The following EXOC6 variants were observed in gnomAD, a reference collection of about 807,000 sequenced individuals.
EXOC6 encodes the protein SEC15-like 1.
EXOC6 carries 60 observed loss-of-function variants against 112.5 expected under a neutral mutation model. That is an observed-to-expected ratio of 0.53 (90% CI 0.43 to 0.66). The LOEUF is 0.66. EXOC6 is among the 30% of genes least tolerant of loss of function. The pLI is 0.00. For synonymous variants in EXOC6, 295 were observed against 308.0 expected, an observed-to-expected ratio of 0.96 and a Z score of 0.44; for missense variants, 855 against 957.1, an observed-to-expected ratio of 0.89 and a Z score of 1.41.
rs377076761 is a variant in EXOC6, at chr10:93,032,194, A to G, written c.2169+17927A>G. On this transcript the variant is annotated intron_variant, in intron 20 of 21. Coordinates refer to ENST00000260762, the MANE Select transcript of EXOC6 (RefSeq NM_019053.6). ...GGGAGGCTGAGGCAAAAAATCAGCCAGGTATTGTGGTGCACACCTGTAGTC... is the reference window on the plus strand; with the variant it reads ...GGGAGGCTGAGGCAAAAAATCAGCCGGGTATTGTGGTGCACACCTGTAGTC... Among the ~76,000 whole-genome samples, 10 of 152,096 alleles carry G rather than the reference A, an allele frequency of 6.6e-5. No homozygotes were observed. In the East Asian group the frequency reaches 7.7e-4, roughly 12 times the overall value.
chr10:92,899,562 C>T (rs973567041), intron 4 of EXOC6, 37 bp from the exon 5 acceptor site: 2 of 1,422,870 alleles, frequency 1.4e-6, no homozygotes, highest in East Asian at 4.8e-5. Flanking sequence ...ATTTTCTTTT[C>T]ATTTTGAAAG....
chr10:93,013,849 G>T (rs1844370968), intron 19 of EXOC6, among the ~76,000 whole-genome samples: 2 of 152,118 alleles, frequency 1.3e-5, no homozygotes, highest in Admixed American at 1.3e-4. Flanking sequence ...ATTTTTAAAT[G>T]CTTCTACAAT....
At chr10:92,856,855 TTGAC>T (rs1384231763) in intron 1 of EXOC6, among the ~76,000 whole-genome samples, 5 of 152,224 alleles carry the variant, frequency 3.3e-5, no homozygotes, top group Admixed American at 2.0e-4. Context: ...TCCTTATTGA[TTGAC>T]CATTTGCCGT....
chr10:92,862,075 C>A (rs1847936751), intron 1 of EXOC6, among the ~76,000 whole-genome samples: 1 of 152,126 alleles, frequency 6.6e-6, no homozygotes, highest in Non-Finnish European at 1.5e-5. Flanking sequence ...GTGCAGCCAT[C>A]GTCTCTATCT....
chr10:92,830,838 T>G (rs1196000364), upstream of EXOC6, among the ~76,000 whole-genome samples: 1 of 152,158 alleles, frequency 6.6e-6, no homozygotes, highest in East Asian at 1.9e-4. Flanking sequence ...GAGGAGAGGT[T>G]AAGGGTCCAG....
Position 92,967,169 on chromosome 10 carries a change from A to G in EXOC6, c.1774-6884A>G, listed in dbSNP as rs1479953165. Among the ~76,000 whole-genome samples the G allele has an allele frequency of 2.1e-5, 3 of 144,964 alleles. No homozygotes were observed. In the Admixed American group the frequency reaches 2.1e-4, roughly 10 times the overall value. ...TTTTCTTGTAAATTTGTTTGAGTTC[A>G]TTGTAGATTCTGGATATTAGCCCTT... On this transcript the variant is annotated intron_variant, in intron 17 of 21. Coordinates refer to ENST00000260762, the MANE Select transcript of EXOC6 (RefSeq NM_019053.6).
intron 1 of EXOC6, among the ~76,000 whole-genome samples, chr10:92,839,105 TG>T (rs1160442957): frequency 6.6e-6 from 1 of 151,866 alleles, no homozygotes; most frequent in African/African-American, 2.4e-5. Flanking sequence ...TGCAGAATAT[TG>T]GTAGGCTGAA....
Position 92,934,202 on chromosome 10 carries a change from A to C in EXOC6, c.1019+12A>C. The C allele has an allele frequency of 2.6e-6, 4 of 1,532,588 alleles. No individual in the cohort carries two copies. Among genetic ancestry groups the C allele is most frequent in the Middle Eastern group, 2.0e-4 (1 of 5,046 alleles). 94.9% of individuals were successfully genotyped at this position (1,532,588 alleles called of 1,614,324 possible). ...ACTCAAATTGTAGGGTATGTATCTA[A>C]TATGGAAATAACTATTATTAATTTT... On this transcript the variant is annotated intron_variant, in intron 10 of 21. Transcript: ENST00000260762.
At chr10:92,849,183 A>G (rs908994261) in intron 1 of EXOC6, among the ~76,000 whole-genome samples, 7 of 152,074 alleles carry the variant, frequency 4.6e-5, no homozygotes, top group African/African-American at 1.4e-4. Context: ...GCGCGGCCGC[A>G]GTGGGCGAGA....
chr10:92,834,424 T>C (rs148446361), upstream of EXOC6, among the ~76,000 whole-genome samples: 3 of 152,326 alleles, frequency 2.0e-5, no homozygotes, highest in African/African-American at 4.8e-5. Flanking sequence ...TTCCTACATA[T>C]AGTTATTGTC....
At chr10:92,850,423 A>G (rs1413960243) in intron 1 of EXOC6, among the ~76,000 whole-genome samples, 1 of 152,200 alleles carries the variant, frequency 6.6e-6, no homozygotes, top group Non-Finnish European at 1.5e-5. Context: ...TTTGTGTCTC[A>G]TTTATAAGCA....
intron 18 of EXOC6, among the ~76,000 whole-genome samples, chr10:92,986,461 G>A (rs559242772): frequency 6.6e-6 from 1 of 151,878 alleles, no homozygotes; most frequent in South Asian, 2.1e-4. Context: ...GGGTTAATTA[G>A]GTTGACCAGC....
chr10:92,914,088 AG>A (rs1234150072), intron 6 of EXOC6, among the ~76,000 whole-genome samples: 1 of 152,224 alleles, frequency 6.6e-6, no homozygotes, highest in Non-Finnish European at 1.5e-5. Context: ...TTTAGGAACC[AG>A]GCCACACAGC....
intron 2 of EXOC6, among the ~76,000 whole-genome samples, chr10:92,894,237 C>T (rs997306162): frequency 4.6e-5 from 7 of 152,074 alleles, no homozygotes; most frequent in South Asian, 2.1e-4. Flanking sequence ...TTTTAATAAA[C>T]CAGAATGTGC....
At chr10:93,024,360 T>C (rs1005000624) in intron 20 of EXOC6, among the ~76,000 whole-genome samples, 1 of 152,214 alleles carries the variant, frequency 6.6e-6, no homozygotes, top group Non-Finnish European at 1.5e-5. Context: ...AGAAAAGGTT[T>C]CCAAGTCAGG....
chr10:92,933,128 TA>T (rs1852144493), intron 9 of EXOC6, among the ~76,000 whole-genome samples: 1 of 152,112 alleles, frequency 6.6e-6, no homozygotes, highest in African/African-American at 2.4e-5. Context: ...TTTGAGTTGA[TA>T]AAAATGGTAA....
intron 18 of EXOC6, among the ~76,000 whole-genome samples, chr10:92,984,883 C>T (rs528638277): frequency 6.6e-6 from 1 of 152,116 alleles, no homozygotes; most frequent in South Asian, 2.1e-4. Flanking sequence ...CCTGTAGTCC[C>T]AGCTACTTGG....
chr10:93,029,655 A>T (rs1322562206), intron 20 of EXOC6, among the ~76,000 whole-genome samples: 1 of 152,078 alleles, frequency 6.6e-6, no homozygotes, highest in Non-Finnish European at 1.5e-5. Flanking sequence ...CCAGTTTATT[A>T]TTTTTTATGA....
At chr10:92,844,828 A>G (rs548043137), upstream of EXOC6, among the ~76,000 whole-genome samples, 1 of 152,290 alleles carries the variant, frequency 6.6e-6, no homozygotes, top group South Asian at 2.1e-4. Context: ...GAAGAACGTG[A>G]GCCTTAGTCA....
Sources: gnomAD v4.1 joint callset for allele counts (sites outside exome capture counted in the v4.1 genomes callset) on GRCh38, gnomAD v4.1.1 for gene constraint, MANE v1.5 for transcripts, NCBI Gene and HGNC (gene_info 2026-07-23, HGNC 2026-07-21) for gene names.